Variants in KCNMA1 observed in about 807,000 individuals in gnomAD.
The protein encoded by KCNMA1 is Calcium-activated potassium channel subunit alpha-1.
KCNMA1 carries 29 observed loss-of-function variants against 140.0 expected under a neutral mutation model. The observed-to-expected ratio is 0.21, with a 90% CI of 0.15 to 0.28. KCNMA1 has a LOEUF of 0.28. KCNMA1 is among the 10% of genes least tolerant of loss of function. KCNMA1 has a pLI of 1.00. For missense variants in KCNMA1, 880 were observed against 1,602.2 expected (o/e 0.55, Z 7.70); for synonymous variants, 612 against 611.9 (o/e 1.00, Z 0.00).
chr10:77,340,868 A>G (rs2090702972), intron 2 of KCNMA1, among the ~76,000 whole-genome samples: 1 of 144,824 alleles, frequency 6.9e-6, no homozygotes, highest in African/African-American at 2.5e-5. Flanking sequence ...TAATTTAAAA[A>G]ATGCCAAAAA....
At chr10:76,950,634 A>T (rs887699595) in intron 21 of KCNMA1, among the ~76,000 whole-genome samples, 1 of 152,156 alleles carries the variant, frequency 6.6e-6, no homozygotes, top group Non-Finnish European at 1.5e-5. Context: ...ATTAATGTCC[A>T]CTGTACATAT....
chr10:77,602,117 C>T (rs947963266), intron 1 of KCNMA1, among the ~76,000 whole-genome samples: 3 of 152,228 alleles, frequency 2.0e-5, no homozygotes, highest in Non-Finnish European at 4.4e-5. Flanking sequence ...ACAAAACTCA[C>T]CAATGCCTGA....
intron 16 of KCNMA1, among the ~76,000 whole-genome samples, chr10:77,025,273 T>C (rs1047417654): frequency 2.4e-5 from 3 of 123,664 alleles, no homozygotes; most frequent in Non-Finnish European, 5.1e-5. Flanking sequence ...TATATATATA[T>C]ATATATATAC....
chr10:77,164,955 G>A (rs2098620880), intron 5 of KCNMA1, among the ~76,000 whole-genome samples: 1 of 151,750 alleles, frequency 6.6e-6, no homozygotes, highest in Admixed American at 6.6e-5. Flanking sequence ...TTTCCACTTT[G>A]CTGAGATGAA....
rs886047257 is a variant in KCNMA1 at position 76,884,988 on chromosome 10, C to T, written c.*2278G>A. On this transcript the variant is annotated 3_prime_UTR_variant, in exon 28 of 28. Transcript: ENST00000286628. ...TCATGCAGAACCATTAATTGTCATACCTTGGCCCATTCTATTCATCCTTGT... is the reference window on the plus strand; with the variant it reads ...TCATGCAGAACCATTAATTGTCATATCTTGGCCCATTCTATTCATCCTTGT... The T allele has an allele frequency of 1.3e-6, 2 of 1,547,720 alleles. No homozygotes were observed.
chr10:77,520,129 C>T (rs982576045), intron 1 of KCNMA1, among the ~76,000 whole-genome samples: 135 of 26,426 alleles, frequency 5.1e-3, no homozygotes, highest in Middle Eastern at 0.028. Context: ...CCGGGGTATG[C>T]AGTGTGAGGG....
intron 2 of KCNMA1, among the ~76,000 whole-genome samples, chr10:77,278,307 C>T (rs141828655): frequency 3.2e-3 from 485 of 152,188 alleles, no homozygotes; most frequent in African/African-American, 0.011. Context: ...CCATATCAGA[C>T]CATTTAACCA....
chr10:77,295,069 C>T (rs918329825), intron 2 of KCNMA1, among the ~76,000 whole-genome samples: 4 of 151,970 alleles, frequency 2.6e-5, no homozygotes, highest in Admixed American at 6.6e-5. Flanking sequence ...AGTGTGAGGC[C>T]GGGTGTGGTG....
chr10:77,382,982 GTGTGTGTGTGTGTATATATA>G (rs1164392107), intron 2 of KCNMA1, among the ~76,000 whole-genome samples: 47 of 75,366 alleles, frequency 6.2e-4, no homozygotes, highest in South Asian at 1.8e-3. Flanking sequence ...GTGTGTGTGT[GTGTGTGTGTGTGTATATATA>G]TATATATATA....
chr10:77,004,770 A>G (rs1907718), intron 18 of KCNMA1, among the ~76,000 whole-genome samples: 12,316 of 152,032 alleles, frequency 0.081, 564 homozygotes, highest in Middle Eastern at 0.11. Flanking sequence ...TAACCCTTCA[A>G]TTTTGTTACA....
intron 1 of KCNMA1, among the ~76,000 whole-genome samples, chr10:77,532,667 A>G (rs796395498): frequency 2.3e-4 from 35 of 152,330 alleles, no homozygotes; most frequent in African/African-American, 8.4e-4. Context: ...GTTTGTTTCC[A>G]TGGGGGAAGA....
intron 2 of KCNMA1, among the ~76,000 whole-genome samples, chr10:77,272,533 G>A (rs973847749): frequency 6.6e-5 from 10 of 152,144 alleles, no homozygotes; most frequent in African/African-American, 1.9e-4. Flanking sequence ...ATGAATACTT[G>A]TTGATGAATG....
At chr10:77,529,985 G>C (rs2057180718) in intron 1 of KCNMA1, among the ~76,000 whole-genome samples, 1 of 152,212 alleles carries the variant, frequency 6.6e-6, no homozygotes, top group Non-Finnish European at 1.5e-5. Flanking sequence ...GAGACTCCGG[G>C]AGGTCAGGCG....
chr10:76,891,496 C>T (rs199780622), intron 26 of KCNMA1, 29 bp downstream of exon 26: 4 of 1,590,692 alleles, frequency 2.5e-6, no homozygotes, highest in Middle Eastern at 3.4e-4. Context: ...AAACAGCAAG[C>T]TCAGGTGACC....
At chr10:77,134,044 A>C (rs2097920456) in intron 5 of KCNMA1, among the ~76,000 whole-genome samples, 1 of 152,202 alleles carries the variant, frequency 6.6e-6, no homozygotes, top group East Asian at 1.9e-4. Context: ...GGCATCATGC[A>C]ATGATGGACC....
chr10:77,172,751 T>C (rs747598833), intron 5 of KCNMA1, among the ~76,000 whole-genome samples: 17 of 150,868 alleles, frequency 1.1e-4, no homozygotes, highest in Non-Finnish European at 2.4e-4. Flanking sequence ...TCAGTCTATA[T>C]GCGCTAACAA....
intron 1 of KCNMA1, among the ~76,000 whole-genome samples, chr10:77,464,852 C>T (rs976080240): frequency 6.6e-6 from 1 of 152,176 alleles, no homozygotes; most frequent in Non-Finnish European, 1.5e-5. Context: ...GATATGATAT[C>T]ACAAGGGTTC....
chr10:77,084,800 T>C (rs2096656340), intron 11 of KCNMA1, 81 bp from the exon 12 acceptor site: 2 of 986,300 alleles, frequency 2.0e-6, no homozygotes, highest in Non-Finnish European at 3.2e-6. Flanking sequence ...TGTTGACAGC[T>C]TCTTGGGGAA....
chr10:77,122,675 G>A (rs1040870674), intron 5 of KCNMA1, among the ~76,000 whole-genome samples: 1 of 152,094 alleles, frequency 6.6e-6, no homozygotes, highest in Non-Finnish European at 1.5e-5. Context: ...CATAAGCAAA[G>A]GCCAGGACAT....
Sources: allele counts gnomAD v4.1 joint callset (sites outside exome capture counted in the v4.1 genomes callset), GRCh38; gene constraint gnomAD v4.1.1; transcripts MANE v1.5; gene names NCBI Gene and HGNC (gene_info 2026-07-23, HGNC 2026-07-21).